Variants in SYK observed in about 807,000 individuals in gnomAD.
SYK encodes tyrosine-protein kinase SYK.
SYK carries 16 observed loss-of-function variants against 77.8 expected under a neutral mutation model. The observed-to-expected ratio is 0.21, with a 90% CI of 0.14 to 0.31. The LOEUF is 0.31. SYK is among the 10% of genes least tolerant of loss of function. The pLI, the probability that SYK is intolerant of heterozygous loss-of-function variation, is 1.00. For missense variants in SYK, 529 were observed against 814.4 expected (o/e 0.65, Z 4.26); for synonymous variants, 312 against 308.7 (o/e 1.01, Z -0.11).
Position 90,843,958 on chromosome 9 carries a change from C to T in SYK, c.60C>T (p.Ile20=), listed in dbSNP as rs1826472008. The T allele has an allele frequency of 5.1e-6, 8 of 1,583,812 alleles. No individual in the cohort carries two copies. The highest frequency in any genetic ancestry group is 3.6e-5 in the Admixed American group (2 of 55,124). The stretch of plus-strand genomic sequence containing the variant: ...ACCTGCCCTTCTTTTTCGGCAACAT[C>T]ACCCGGGAGGAGGCAGAAGATTACC... ...ANHLPFFFGN[I]TREEAEDYLV... Residue 20 remains isoleucine, a synonymous_variant, in exon 2 of 14, where the codon ATC becomes ATT. Coordinates refer to ENST00000375754, the MANE Select transcript of SYK (RefSeq NM_003177.7).
At chr9:90,849,704 A>T (rs1401455810) in intron 3 of SYK, among the ~76,000 whole-genome samples, 1 of 152,236 alleles carries the variant, frequency 6.6e-6, no homozygotes, top group Non-Finnish European at 1.5e-5. Flanking sequence ...GCCTGTTAAC[A>T]ACATACCATT....
intron 11 of SYK, among the ~76,000 whole-genome samples, chr9:90,879,408 T>TC (rs1319210294): frequency 1.3e-5 from 2 of 152,204 alleles, no homozygotes; most frequent in African/African-American, 4.8e-5. Flanking sequence ...GATAGGACAT[T>TC]TCATAACATG....
intron 1 of SYK, among the ~76,000 whole-genome samples, chr9:90,804,552 A>G (rs981514081): frequency 6.6e-6 from 1 of 152,112 alleles, no homozygotes; most frequent in Non-Finnish European, 1.5e-5. Flanking sequence ...AACATTTTCC[A>G]CTACTTCTGG....
intron 3 of SYK, among the ~76,000 whole-genome samples, chr9:90,861,879 C>T (rs1587877884): frequency 1.3e-5 from 2 of 152,324 alleles, no homozygotes; most frequent in Middle Eastern, 6.8e-3. Context: ...AGAAGCGTCA[C>T]TGCTACTGAG....
At chr9:90,871,978 G>A (rs1827744464) in intron 7 of SYK, among the ~76,000 whole-genome samples, 1 of 152,198 alleles carries the variant, frequency 6.6e-6, no homozygotes, top group South Asian at 2.1e-4. Flanking sequence ...GACTAGGGGT[G>A]AACAACACAC....
intron 3 of SYK, among the ~76,000 whole-genome samples, chr9:90,846,669 A>G (rs1826606930): frequency 1.3e-5 from 1 of 74,290 alleles, no homozygotes; most frequent in South Asian, 3.9e-4. Flanking sequence ...AAAAAGAAAA[A>G]AAGAAAAGAA....
At position 90,862,335 on chromosome 9, in the gene SYK, G is replaced by C. The variant is rs200087795; in HGVS notation, c.708G>C (p.Thr236=). 7 of 1,613,596 alleles carry C rather than the reference G, an allele frequency of 4.3e-6. No individual in the cohort carries two copies. Among genetic ancestry groups the C allele is most frequent in the South Asian group, 1.1e-5 (1 of 91,026 alleles). ...TCCCCGAGGGAAAGAAGTTCGACAC[G>C]CTCTGGCAGGTACCCAGCCTCCTCT... is the stretch of plus-strand genomic sequence containing the variant. ...LSIPEGKKFD[T]LWQLVEHYSY... is the part of the protein sequence containing the mutation. Residue 236 remains threonine, a synonymous_variant, in exon 4 of 14, where the codon ACG becomes ACC. Transcript: ENST00000375754.
At chr9:90,882,623 T>C (rs958221945) in intron 11 of SYK, among the ~76,000 whole-genome samples, 2 of 152,232 alleles carry the variant, frequency 1.3e-5, no homozygotes, top group Non-Finnish European at 2.9e-5. Flanking sequence ...AAGTAGTGCA[T>C]GCTAAAATAA....
chr9:90,878,695 G>A, intron 10 of SYK, 69 bp from the exon 11 acceptor site: 5 of 1,355,102 alleles, frequency 3.7e-6, no homozygotes, highest in Non-Finnish European at 5.2e-6. Context: ...GCCTGCGTGA[G>A]GAGCATGGTT....
chr9:90,821,254 C>A (rs559139003), intron 1 of SYK, among the ~76,000 whole-genome samples: 2 of 152,322 alleles, frequency 1.3e-5, no homozygotes, highest in Non-Finnish European at 2.9e-5. Flanking sequence ...AAAGTCACTT[C>A]CACATTTTGG....
chr9:90,885,901 A>G (rs1181255526), intron 11 of SYK, among the ~76,000 whole-genome samples: 1 of 152,218 alleles, frequency 6.6e-6, no homozygotes, highest in Non-Finnish European at 1.5e-5. Context: ...TGAAAGAAAA[A>G]TACTGCCACC....
At chr9:90,889,302 T>C (rs531116609) in intron 13 of SYK, among the ~76,000 whole-genome samples, 2 of 152,216 alleles carry the variant, frequency 1.3e-5, no homozygotes, top group Non-Finnish European at 2.9e-5. Context: ...TGTGCGTGCA[T>C]AGCACGGTGA....
chr9:90,877,433 T>G (rs1827981263), intron 9 of SYK, 138 bp from the exon 10 acceptor site: 4 of 887,584 alleles, frequency 4.5e-6, no homozygotes, highest in Non-Finnish European at 6.9e-6. Flanking sequence ...CATTACAGGC[T>G]TCTGAAGACA....
At chr9:90,845,820 T>A (rs1408391695) in intron 3 of SYK, among the ~76,000 whole-genome samples, 1 of 152,202 alleles carries the variant, frequency 6.6e-6, no homozygotes, top group Non-Finnish European at 1.5e-5. Flanking sequence ...AACACTCTTT[T>A]TGGGCACCGA....
At chr9:90,803,622 T>C (rs1824698755) in intron 1 of SYK, among the ~76,000 whole-genome samples, 1 of 152,110 alleles carries the variant, frequency 6.6e-6, no homozygotes, top group Admixed American at 6.5e-5. Context: ...AGGTCTAATC[T>C]CTCTGCTTTT....
At chr9:90,837,682 G>A (rs1370401035) in intron 1 of SYK, among the ~76,000 whole-genome samples, 3 of 152,188 alleles carry the variant, frequency 2.0e-5, no homozygotes, top group Non-Finnish European at 1.5e-5. Flanking sequence ...TGTCAGTAAG[G>A]AAAGGAAGGA....
intron 1 of SYK, among the ~76,000 whole-genome samples, chr9:90,830,887 CTCTT>C (rs1299848057): frequency 1.3e-5 from 2 of 152,102 alleles, no homozygotes; most frequent in African/African-American, 4.8e-5. Context: ...ACCCGGCCTC[CTCTT>C]TCTTATGAAA....
chr9:90,821,311 A>G (rs1421609954), intron 1 of SYK, among the ~76,000 whole-genome samples: 1 of 152,088 alleles, frequency 6.6e-6, no homozygotes, highest in Non-Finnish European at 1.5e-5. Context: ...AATTTACTGT[A>G]TTTGTTTATT....
intron 9 of SYK, 50 bp from the exon 10 acceptor site, chr9:90,877,521 G>A (rs1760132): frequency 6.3e-7 from 1 of 1,589,008 alleles, no homozygotes; most frequent in Non-Finnish European, 8.6e-7. Context: ...AGATTATCTA[G>A]AAGTGAGGCA....
Sources: allele counts gnomAD v4.1 joint callset (sites outside exome capture counted in the v4.1 genomes callset), GRCh38; gene constraint gnomAD v4.1.1; transcripts MANE v1.5; gene names NCBI Gene and HGNC (gene_info 2026-07-23, HGNC 2026-07-21).